Variants in POU2F1 observed in about 807,000 individuals in gnomAD.
POU2F1 encodes POU class 2 homeobox 1, also known as POU domain, class 2, transcription factor 1.
A neutral mutation model predicts 84.9 loss-of-function variants in POU2F1; 16 were observed. The observed-to-expected ratio is 0.19, with a 90% CI of 0.13 to 0.29. POU2F1 has a LOEUF of 0.29. POU2F1 is among the 10% of genes least tolerant of loss of function. The pLI, the probability that POU2F1 is intolerant of heterozygous loss-of-function variation, is 1.00. For missense variants in POU2F1, 738 were observed against 942.6 expected, an observed-to-expected ratio of 0.78 and a Z score of 2.84; for synonymous variants, 368 against 368.3, an observed-to-expected ratio of 1.00 and a Z score of 0.01.
At chr1:167,358,578 G>A (rs1433856069) in intron 2 of POU2F1, among the ~76,000 whole-genome samples, 2 of 151,546 alleles carry the variant, frequency 1.3e-5, no homozygotes, top group African/African-American at 4.8e-5. Flanking sequence ...AAATGCTGTG[G>A]GACTCTATGG....
intron 1 of POU2F1, among the ~76,000 whole-genome samples, chr1:167,221,826 T>TG (rs1170670058): frequency 2.0e-5 from 3 of 151,582 alleles, no homozygotes; most frequent in African/African-American, 2.4e-5. Context: ...GTGCCCCCCC[T>TG]GGGGGGTGGA....
chr1:167,388,114 T>A (rs927711274), intron 8 of POU2F1, among the ~76,000 whole-genome samples: 1 of 152,186 alleles, frequency 6.6e-6, no homozygotes, highest in African/African-American at 2.4e-5. Context: ...TTTATAAAAT[T>A]TGAGGATCTC....
At chr1:167,276,262 A>G (rs1652722949) in intron 1 of POU2F1, among the ~76,000 whole-genome samples, 1 of 152,220 alleles carries the variant, frequency 6.6e-6, no homozygotes, top group South Asian at 2.1e-4. Context: ...TCAGTCATTC[A>G]GTAGCGGCCT....
At position 167,402,683 on chromosome 1, in the gene POU2F1, G is replaced by A. The variant is rs1484760160; in HGVS notation, c.1555+1127G>A. On this transcript the variant is annotated intron_variant, in intron 13 of 15. Coordinates refer to ENST00000367866, the MANE Select transcript of POU2F1 (RefSeq NM_002697.4). Reference sequence around the variant, plus strand: ...TATTTGTGGATACCTACAGGTTCCAGTTTTAATAACCTTGGTTCAAGAATA... The same window carrying A: ...TATTTGTGGATACCTACAGGTTCCAATTTTAATAACCTTGGTTCAAGAATA... Among the ~76,000 whole-genome samples the A allele has an allele frequency of 5.3e-5, 8 of 152,276 alleles. No homozygotes were observed. The South Asian group carries it at 1.7e-3, about 32-fold the overall frequency.
At chr1:167,327,086 A>T (rs1252924119) in intron 1 of POU2F1, among the ~76,000 whole-genome samples, 1 of 152,128 alleles carries the variant, frequency 6.6e-6, no homozygotes. Flanking sequence ...TTAAAAACTC[A>T]TTTGAAATTT....
intron 1 of POU2F1, among the ~76,000 whole-genome samples, chr1:167,256,489 A>G (rs1571177034): frequency 6.6e-6 from 1 of 152,132 alleles, no homozygotes; most frequent in East Asian, 1.9e-4. Context: ...TGGAGATAAC[A>G]TAACTTTTTA....
chr1:167,298,012 A>G (rs981501858), intron 1 of POU2F1, among the ~76,000 whole-genome samples: 1 of 151,940 alleles, frequency 6.6e-6, no homozygotes, highest in Non-Finnish European at 1.5e-5. Context: ...TGTAATCCCA[A>G]CTACTTGGGA....
chr1:167,394,144 T>C (rs1410278914), intron 9 of POU2F1, among the ~76,000 whole-genome samples: 1 of 152,004 alleles, frequency 6.6e-6, no homozygotes, highest in Non-Finnish European at 1.5e-5. Flanking sequence ...CTCAGCCTTC[T>C]GAGTAGCTGG....
At chr1:167,270,069 G>A (rs1370389953) in intron 1 of POU2F1, among the ~76,000 whole-genome samples, 1 of 152,120 alleles carries the variant, frequency 6.6e-6, no homozygotes, top group East Asian at 1.9e-4. Flanking sequence ...TAGGATTATA[G>A]AGGTGATTCA....
chr1:167,220,924 A>G lies in POU2F1; in HGVS notation c.27A>G (p.Gln9=). ...TGGCGGACGGAGGAGCAGCGAGTCAAGATGAGAGTTCAGCCGCGGCGGCAG... is the reference window on the plus strand; with the variant it reads ...TGGCGGACGGAGGAGCAGCGAGTCAGGATGAGAGTTCAGCCGCGGCGGCAG... MADGGAAS[Q]DESSAAAAAA... is the part of the protein sequence containing the mutation. The change falls in exon 1 of 16, where the codon CAA becomes CAG. Residue 9 remains glutamine (Q), a synonymous_variant. Coordinates refer to ENST00000367866, the MANE Select transcript of POU2F1 (RefSeq NM_002697.4). 1 of 1,535,436 alleles carries G rather than the reference A, an allele frequency of 6.5e-7. No individual in the cohort carries two copies. The highest frequency in any genetic ancestry group is 8.7e-7 in the Non-Finnish European group (1 of 1,146,800).
intron 2 of POU2F1, among the ~76,000 whole-genome samples, chr1:167,337,746 A>G (rs1158185346): frequency 6.6e-6 from 1 of 152,126 alleles, no homozygotes; most frequent in Non-Finnish European, 1.5e-5. Context: ...GAGAAAGGAT[A>G]TCTGCCTGAA....
chr1:167,268,154 A>G (rs902282837), intron 1 of POU2F1, among the ~76,000 whole-genome samples: 2 of 152,136 alleles, frequency 1.3e-5, no homozygotes, highest in African/African-American at 4.8e-5. Context: ...TTTTCTTACT[A>G]TTATTTCAAG....
At chr1:167,230,380 T>A (rs1648978900) in intron 1 of POU2F1, among the ~76,000 whole-genome samples, 3 of 152,224 alleles carry the variant, frequency 2.0e-5, no homozygotes, top group Admixed American at 6.5e-5. Context: ...ATTTTTTTTT[T>A]AATTGCATTT....
chr1:167,342,536 A>G (rs1274347815), intron 2 of POU2F1, among the ~76,000 whole-genome samples: 4 of 152,204 alleles, frequency 2.6e-5, no homozygotes, highest in Non-Finnish European at 5.9e-5. Flanking sequence ...CTGAAAGACC[A>G]GGGTACCAGT....
At position 167,237,351 on chromosome 1, in the gene POU2F1, C is replaced by G. The variant is rs971860330; in HGVS notation, c.61+16393C>G. Among the ~76,000 whole-genome samples the G allele has an allele frequency of 1.7e-4, 26 of 152,176 alleles. No homozygotes were observed. In the East Asian group the frequency reaches 5.0e-3, roughly 29 times the overall value. On this transcript the variant is annotated intron_variant, in intron 1 of 15. Coordinates refer to ENST00000367866, the MANE Select transcript of POU2F1 (RefSeq NM_002697.4). ...ATTGTTGCATGCATAAGTTTTTGTCCTACTATTTGGGATGGATGAGGAAAG... is the reference window on the plus strand; with the variant it reads ...ATTGTTGCATGCATAAGTTTTTGTCGTACTATTTGGGATGGATGAGGAAAG...
At position 167,365,124 on chromosome 1, in the gene POU2F1, GAA is replaced by G. The variant is rs1256812944; in HGVS notation, c.128-342_128-341del. Among the ~76,000 whole-genome samples the G allele has an allele frequency of 5.9e-5, 9 of 152,338 alleles. No individual in the cohort carries two copies. In the East Asian group the frequency reaches 1.7e-3, roughly 29 times the overall value. Reference sequence around the variant, plus strand: ...CACATATCAAGTAGGCTGAAAAATAGAAGAGAGCCTCAGGGTGTCTTTGAACT... The same window carrying G: ...CACATATCAAGTAGGCTGAAAAATAGGAGAGCCTCAGGGTGTCTTTGAACT... On this transcript the variant is annotated intron_variant, in intron 2 of 15. Coordinates refer to ENST00000367866, the MANE Select transcript of POU2F1 (RefSeq NM_002697.4).
intron 15 of POU2F1, 60 bp downstream of exon 15, chr1:167,413,174 T>C: frequency 2.2e-6 from 3 of 1,337,994 alleles, no homozygotes; most frequent in Non-Finnish European, 3.2e-6. Flanking sequence ...TGTGTGTGTG[T>C]GTGTGTGTGT....
intron 2 of POU2F1, among the ~76,000 whole-genome samples, chr1:167,346,976 T>C (rs942234389): frequency 6.6e-6 from 1 of 152,218 alleles, no homozygotes; most frequent in Admixed American, 6.5e-5. Flanking sequence ...ATCTAAAAAA[T>C]GAGCAGTAGC....
intron 8 of POU2F1, among the ~76,000 whole-genome samples, chr1:167,384,717 GA>G (rs1237237374): frequency 8.5e-5 from 12 of 141,872 alleles, no homozygotes; most frequent in South Asian, 2.2e-4. Context: ...CATGTATTAA[GA>G]AAAAAAAAAG....
Sources: gnomAD v4.1 joint callset for allele counts (sites outside exome capture counted in the v4.1 genomes callset) on GRCh38, gnomAD v4.1.1 for gene constraint, MANE v1.5 for transcripts, NCBI Gene and HGNC (gene_info 2026-07-23, HGNC 2026-07-21) for gene names.